The following CNTN4 variants were observed in gnomAD, a reference collection of about 807,000 sequenced individuals.
CNTN4 encodes contactin 4.
In CNTN4, 77 loss-of-function variants were observed where a neutral mutation model predicts 122.5. The observed-to-expected ratio is 0.63, with a 90% CI of 0.52 to 0.76. The LOEUF is 0.76. CNTN4 is among the 30% of genes least tolerant of loss of function. CNTN4 has a pLI of 0.00. For missense variants in CNTN4, 1,256 were observed against 1,259.1 expected, an observed-to-expected ratio of 1.00 and a Z score of 0.04; for synonymous variants, 512 against 447.0, an observed-to-expected ratio of 1.15 and a Z score of -1.83.
chr3:2,481,385 C>T (rs575181671), intron 3 of CNTN4, among the ~76,000 whole-genome samples: 7 of 151,978 alleles, frequency 4.6e-5, no homozygotes, highest in African/African-American at 1.2e-4. Context: ...AAGTGATCCA[C>T]CCGCCTCGAC....
In CNTN4 at chr3:2,281,849, A is replaced by G. The variant is rs185476506; in HGVS notation, c.-144-57329A>G. On this transcript the variant is annotated intron_variant, in intron 2 of 24. Coordinates refer to ENST00000418658, the MANE Select transcript of CNTN4 (RefSeq NM_175607.3). ...GATAAAGAGCAGTTAATTTTGAGTA[A>G]TATACTAGAAGTTTGGTATTCGTGA... Among the ~76,000 whole-genome samples, 432 of 152,236 alleles carry G rather than the reference A, an allele frequency of 2.8e-3. 3 individuals carry two copies. Among genetic ancestry groups the G allele is most frequent in the African/African-American group, 1.0e-2 (414 of 41,556 alleles).
intron 2 of CNTN4, among the ~76,000 whole-genome samples, chr3:2,267,954 T>C (rs2041120528): frequency 6.6e-6 from 1 of 152,098 alleles, no homozygotes; most frequent in African/African-American, 2.4e-5. Context: ...ATGGAGGTAA[T>C]GAGAAGTGAT....
At chr3:2,336,219 TA>T in intron 2 of CNTN4, among the ~76,000 whole-genome samples, 1 of 143,542 alleles carries the variant, frequency 7.0e-6, no homozygotes, top group South Asian at 2.1e-4. Flanking sequence ...GTTTGTTGTT[TA>T]TTTGGGGGGG....
chr3:2,669,156 A>G (rs564986750), intron 4 of CNTN4, among the ~76,000 whole-genome samples: 1,592 of 152,302 alleles, frequency 0.01, 30 homozygotes, highest in African/African-American at 0.036. Context: ...GAATAGTTTC[A>G]GAAGGAATGG....
At chr3:2,344,252 A>G (rs193294819) in intron 3 of CNTN4, among the ~76,000 whole-genome samples, 27 of 151,788 alleles carry the variant, frequency 1.8e-4, no homozygotes, top group Non-Finnish European at 2.9e-5. Context: ...GTCTGACCTG[A>G]CTGCCAAGGC....
At chr3:2,524,613 T>A (rs1227736827) in intron 3 of CNTN4, among the ~76,000 whole-genome samples, 1 of 152,086 alleles carries the variant, frequency 6.6e-6, no homozygotes. Context: ...AATGAAGAGT[T>A]TTACTCATTT....
intron 4 of CNTN4, among the ~76,000 whole-genome samples, chr3:2,674,789 A>G (rs1049353637): frequency 6.6e-6 from 1 of 152,058 alleles, no homozygotes; most frequent in Non-Finnish European, 1.5e-5. Context: ...ACAAAAAAAA[A>G]AAAAACCATT....
At chr3:2,133,478 C>T (rs1449673619) in intron 2 of CNTN4, among the ~76,000 whole-genome samples, 1 of 152,148 alleles carries the variant, frequency 6.6e-6, no homozygotes, top group Admixed American at 6.6e-5. Flanking sequence ...GAGCAAATTG[C>T]ACATTCCAAT....
intron 7 of CNTN4, among the ~76,000 whole-genome samples, chr3:2,834,536 C>G (rs1397209899): frequency 6.6e-6 from 1 of 152,136 alleles, no homozygotes; most frequent in East Asian, 1.9e-4. Context: ...CACTGTACTC[C>G]AGCCTGGGCA....
intron 2 of CNTN4, among the ~76,000 whole-genome samples, chr3:2,113,982 T>C (rs1277932700): frequency 6.6e-6 from 1 of 152,202 alleles, no homozygotes; most frequent in Non-Finnish European, 1.5e-5. Flanking sequence ...CATATACATA[T>C]GAAAAGGCAT....
chr3:2,136,998 A>C (rs2034724443), intron 2 of CNTN4, among the ~76,000 whole-genome samples: 1 of 152,246 alleles, frequency 6.6e-6, no homozygotes, highest in Non-Finnish European at 1.5e-5. Flanking sequence ...TTCTTAAATA[A>C]GACATTTGTG....
intron 5 of CNTN4, among the ~76,000 whole-genome samples, chr3:2,742,193 G>C (rs540076483): frequency 2.1e-3 from 85 of 39,740 alleles, no homozygotes; most frequent in Middle Eastern, 0.024. Context: ...TTCAGCACTA[G>C]GTTCTCTCCT....
chr3:2,711,426 G>A (rs2087144359), intron 4 of CNTN4, among the ~76,000 whole-genome samples: 1 of 152,152 alleles, frequency 6.6e-6, no homozygotes, highest in African/African-American at 2.4e-5. Flanking sequence ...ATATATGAAA[G>A]CAGACACCAG....
chr3:2,399,776 G>A (rs1227007559), intron 3 of CNTN4, among the ~76,000 whole-genome samples: 1 of 151,886 alleles, frequency 6.6e-6, no homozygotes, highest in Admixed American at 6.6e-5. Flanking sequence ...TCTGTTATAT[G>A]GATTCTAAGT....
At chr3:2,561,713 A>C (rs1286912572) in intron 3 of CNTN4, among the ~76,000 whole-genome samples, 1 of 152,230 alleles carries the variant, frequency 6.6e-6, no homozygotes, top group African/African-American at 2.4e-5. Flanking sequence ...AACAGAGGTT[A>C]AATGACTTGC....
At chr3:2,617,610 A>T (rs2081818856) in intron 4 of CNTN4, among the ~76,000 whole-genome samples, 1 of 151,870 alleles carries the variant, frequency 6.6e-6, no homozygotes, top group South Asian at 2.1e-4. Flanking sequence ...TTTAGTACAG[A>T]CGGAGTTTCA....
chr3:2,154,997 C>T (rs1308351701), intron 2 of CNTN4, among the ~76,000 whole-genome samples: 1 of 152,200 alleles, frequency 6.6e-6, no homozygotes. Context: ...AAACCTCTCC[C>T]ATCATCCATC....
intron 2 of CNTN4, among the ~76,000 whole-genome samples, chr3:2,279,089 G>C (rs981710896): frequency 5.3e-5 from 8 of 151,772 alleles, no homozygotes; most frequent in African/African-American, 1.9e-4. Context: ...TAAGTGGCTT[G>C]CTCACGTTAT....
At chr3:2,375,322 T>C (rs1399412563) in intron 3 of CNTN4, among the ~76,000 whole-genome samples, 1 of 152,254 alleles carries the variant, frequency 6.6e-6, no homozygotes, top group African/African-American at 2.4e-5. Flanking sequence ...TTTTCTTTGG[T>C]ATGTCACAAG....
Sources: allele counts gnomAD v4.1 joint callset (sites outside exome capture counted in the v4.1 genomes callset), GRCh38; gene constraint gnomAD v4.1.1; transcripts MANE v1.5; gene names NCBI Gene and HGNC (gene_info 2026-07-23, HGNC 2026-07-21).